The following MOV10 variants were observed in gnomAD, a reference collection of about 807,000 sequenced individuals.
MOV10 encodes the protein Mov10 RNA helicase.
A neutral mutation model predicts 108.4 loss-of-function variants in MOV10; 39 were observed. The ratio of observed to expected loss-of-function variants is 0.36; its 90% CI spans 0.28 to 0.47. The LOEUF (loss-of-function observed/expected upper bound fraction) is 0.47. Ranked by LOEUF, MOV10 falls within the 20% of genes least tolerant of loss-of-function variation. The probability of loss-of-function intolerance (pLI) is 1.00; values close to 1 mark genes in which losing one functional copy is unlikely to be tolerated. For missense variants in MOV10, 952 were observed against 1,297.6 expected, an observed-to-expected ratio of 0.73 and a Z score of 4.09; for synonymous variants, 490 against 523.1, an observed-to-expected ratio of 0.94 and a Z score of 0.86.
chr1:112,675,911 C>T lies in MOV10; in HGVS notation c.137+862C>T, dbSNP rs1384978988. Among the ~76,000 whole-genome samples, 1 of 152,148 alleles carries T rather than the reference C, an allele frequency of 6.6e-6. No individual in the cohort carries two copies. Among genetic ancestry groups the T allele is most frequent in the Admixed American group, 6.5e-5 (1 of 15,286 alleles). ...GGAATCTGGGCTTAATAACAGACCT[C>T]CCGAAAAAGACCTTGGGTTTTAGCA... is the stretch of plus-strand genomic sequence containing the variant. On this transcript the variant is annotated intron_variant, in intron 2 of 20. Coordinates refer to ENST00000369645, the MANE Select transcript of MOV10 (RefSeq NM_001321324.2). The surrounding 1 kb of genome is among the most constrained non-coding windows in gnomAD (Gnocchi z 4.7).
chr1:112,690,157 G>T, intron 5 of MOV10, 59 bp downstream of exon 5: 2 of 1,579,426 alleles, frequency 1.3e-6, no homozygotes. Flanking sequence ...CATGGGCCAG[G>T]GCTTTGGGAA....
chr1:112,689,926 G>A lies in MOV10; in HGVS notation c.664G>A (p.Gly222Arg). 1 of 1,614,212 alleles carries A rather than the reference G, an allele frequency of 6.2e-7. No homozygotes were observed. The highest frequency in any genetic ancestry group is 8.5e-7 in the Non-Finnish European group (1 of 1,180,038). ...ATVLWELLGP[G>R]ESGSEGAGTF... ...AGTGCTCTGGGAGCTGCTGGGACCT[G>A]GGGAGTCGGGTTCAGAAGGAGCCGG... The change falls in exon 5 of 21, where the codon GGG becomes AGG. Residue 222 changes from glycine (G) to arginine (R), a missense_variant. Coordinates refer to ENST00000369645, the MANE Select transcript of MOV10 (RefSeq NM_001321324.2).
intron 6 of MOV10, 111 bp downstream of exon 6, chr1:112,691,910 C>A: frequency 8.1e-7 from 1 of 1,227,050 alleles, no homozygotes; most frequent in East Asian, 2.4e-5. Context: ...CATTCATTCC[C>A]TTACTGAGCA....
rs1439284399 is a variant in MOV10, at chr1:112,694,930, C to G, written c.1620+34C>G. ...TGAGCACAAACCTGGGGCCTGCACT[C>G]TGATTCCCCCAGCACCAAGCAGTTG... On this transcript the variant is annotated intron_variant, in intron 10 of 20. Transcript: ENST00000369645. This position sits in a 1 kb window ranked among gnomAD's most constrained non-coding sequence, Gnocchi z 4.1. 1 of 1,597,754 alleles carries G rather than the reference C, an allele frequency of 6.3e-7. No individual in the cohort carries two copies. The highest frequency in any genetic ancestry group is 8.6e-7 in the Non-Finnish European group (1 of 1,169,186).
chr1:112,694,284 C>G lies in MOV10; in HGVS notation c.1295+112C>G, dbSNP rs1557766214. ...TGAGACCCCGGGGCAGAGCAGGAGA[C>G]TTTTCCTCAGGGGTACCCTGAGATG... On this transcript the variant is annotated intron_variant, in intron 8 of 20. Coordinates refer to ENST00000369645, the MANE Select transcript of MOV10 (RefSeq NM_001321324.2). The surrounding 1 kb of genome is among the most constrained non-coding windows in gnomAD (Gnocchi z 4.1). 3 of 1,471,428 alleles carry G rather than the reference C, an allele frequency of 2.0e-6. No homozygotes were observed. The South Asian group carries it at 3.6e-5, about 18-fold the overall frequency. 91.1% of individuals were successfully genotyped at this position (1,471,428 alleles called of 1,614,324 possible).
At chr1:112,695,806 G>C (rs747112457) in intron 11 of MOV10, among the ~76,000 whole-genome samples, 1 of 152,106 alleles carries the variant, frequency 6.6e-6, no homozygotes, top group South Asian at 2.1e-4. Context: ...TTTGAGGGGC[G>C]AGGCAGATGG....
chr1:112,688,668 GC>G (rs1458017746), intron 2 of MOV10: 35 of 1,362,082 alleles, frequency 2.6e-5, no homozygotes, highest in Admixed American at 3.1e-5. Flanking sequence ...CTGTGATTGG[GC>G]TTTTCCCCTC....
At position 112,698,749 on chromosome 1, in the gene MOV10, A is replaced by T; in HGVS notation, c.2543A>T (p.Asp848Val). Reference sequence around the variant, plus strand: ...ATCCGTTACTGCATCACCAAACTTGACAGGGAGCTTCGAGGACTGGATGAC... The same window carrying T: ...ATCCGTTACTGCATCACCAAACTTGTCAGGGAGCTTCGAGGACTGGATGAC... ...EKIRYCITKL[D>V]RELRGLDDIK... is the part of the protein sequence containing the mutation. The change falls in exon 17 of 21, where the codon GAC (aspartate) becomes GTC (valine). Residue 848 changes from aspartate (D) to valine (V), a missense_variant. By Grantham distance (152) the Asp-to-Val change is radical. Transcript: ENST00000369645. 1 of 1,614,156 alleles carries T rather than the reference A, an allele frequency of 6.2e-7. No individual in the cohort carries two copies. The highest frequency in any genetic ancestry group is 8.5e-7 in the Non-Finnish European group (1 of 1,180,014).
At position 112,691,819 on chromosome 1, in the gene MOV10, AC is replaced by A. The variant is rs746445212; in HGVS notation, c.971+24del. 3.4e-5 allele frequency: 55 copies of A among 1,603,748 alleles called. No homozygotes were observed. The highest frequency in any genetic ancestry group is 4.7e-5 in the Non-Finnish European group (55 of 1,172,058). ...GATCAAGTAAGTACCATCCCTCTGC[AC>A]CCCGCACTCTCCCGTCTTTTACCTA... On this transcript the variant is annotated intron_variant, in intron 6 of 20. Coordinates refer to ENST00000369645, the MANE Select transcript of MOV10 (RefSeq NM_001321324.2).
chr1:112,693,399 C>T (rs1296438535), intron 7 of MOV10, among the ~76,000 whole-genome samples: 1 of 152,154 alleles, frequency 6.6e-6, no homozygotes, highest in African/African-American at 2.4e-5. Context: ...TGTTTTGAGA[C>T]AGGGTCTCAC....
rs1446149613 is a variant in MOV10 at position 112,700,543 on chromosome 1, C to G, written c.*36C>G. The G allele has an allele frequency of 4.4e-6, 7 of 1,608,788 alleles. No homozygotes were observed. The highest frequency in any genetic ancestry group is 5.9e-6 in the Non-Finnish European group (7 of 1,177,298). ...CCCAGCCTTCTCGCACCAGCCAAGC[C>G]TTAACTGCCTGCCTGACCCTGAACC... On this transcript the variant is annotated 3_prime_UTR_variant, in exon 21 of 21. Transcript: ENST00000369645.
chr1:112,698,562 C>CA, intron 16 of MOV10, 84 bp downstream of exon 16: 1 of 1,505,742 alleles, frequency 6.6e-7, no homozygotes, highest in Non-Finnish European at 9.1e-7. Flanking sequence ...GCAGAGGCTC[C>CA]AGGAGCTTAG....
At chr1:112,676,334 C>T (rs146180779) in intron 2 of MOV10, among the ~76,000 whole-genome samples, 72 of 152,214 alleles carry the variant, frequency 4.7e-4, no homozygotes, top group African/African-American at 1.7e-3. Context: ...GAGGAAAGAG[C>T]GAGCATTTGC....
At chr1:112,681,793 A>G (rs72984601) in intron 2 of MOV10, among the ~76,000 whole-genome samples, 2,697 of 152,240 alleles carry the variant, frequency 0.018, 87 homozygotes, top group East Asian at 0.093. Context: ...AGACATCAGT[A>G]CACTTCACTC....
At chr1:112,691,402 C>T (rs1673573697) in intron 5 of MOV10, among the ~76,000 whole-genome samples, 1 of 152,110 alleles carries the variant, frequency 6.6e-6, no homozygotes, top group Non-Finnish European at 1.5e-5. Context: ...ATTGGTTATT[C>T]CTGGATGGTA....
chr1:112,696,947 G>C, intron 14 of MOV10, 101 bp downstream of exon 14: 2 of 977,722 alleles, frequency 2.0e-6, no homozygotes, highest in Non-Finnish European at 3.1e-6. Flanking sequence ...CTGTTGCTCA[G>C]AGGTTGTGTG....
At chr1:112,681,312 C>T (rs879658398) in intron 2 of MOV10, among the ~76,000 whole-genome samples, 23 of 151,936 alleles carry the variant, frequency 1.5e-4, no homozygotes, top group African/African-American at 4.6e-4. Flanking sequence ...GCCAACATGG[C>T]GAAACCCCGT....
At chr1:112,691,921 CGCACCATACACCAA>C in intron 6 of MOV10, 122 bp downstream of exon 6, 1 of 1,070,222 alleles carries the variant, frequency 9.3e-7, no homozygotes, top group Non-Finnish European at 1.4e-6. Context: ...TTACTGAGCA[CGCACCATACACCAA>C]GCACCATTCA....
At chr1:112,677,080 A>G (rs930198313) in intron 2 of MOV10, among the ~76,000 whole-genome samples, 17 of 152,294 alleles carry the variant, frequency 1.1e-4, no homozygotes, top group African/African-American at 4.1e-4. Flanking sequence ...CTCTGTAATC[A>G]TTAGGGGATG....
Sources: allele counts gnomAD v4.1 joint callset (sites outside exome capture counted in the v4.1 genomes callset), GRCh38; gene constraint gnomAD v4.1.1; non-coding constraint Gnocchi (gnomAD v3.1); transcripts MANE v1.5; gene names NCBI Gene and HGNC (gene_info 2026-07-23, HGNC 2026-07-21).